The following MAPK10 variants were observed in gnomAD, a reference collection of about 807,000 sequenced individuals.
MAPK10 encodes the protein JNK3 alpha protein kinase.
A neutral mutation model predicts 59.3 loss-of-function variants in MAPK10; 25 were observed. That is an observed-to-expected ratio of 0.42 (90% CI 0.31 to 0.59). The LOEUF is 0.59. Ranked by LOEUF, MAPK10 falls within the 20% of genes least tolerant of loss-of-function variation. The probability of loss-of-function intolerance (pLI) is 0.15; values close to 1 mark genes in which losing one functional copy is unlikely to be tolerated. For synonymous variants in MAPK10, 190 were observed against 200.5 expected (o/e 0.95, Z 0.44); for missense variants, 351 against 568.9 (o/e 0.62, Z 3.90).
At chr4:86,089,473 T>C (rs2052636817) in intron 9 of MAPK10, 1 of 476,938 alleles carries the variant, frequency 2.1e-6, no homozygotes, top group Non-Finnish European at 3.7e-6. Context: ...TTTTCTGTCA[T>C]ATAACAGAAA....
chr4:86,022,930 A>G (rs1748069752), intron 13 of MAPK10, among the ~76,000 whole-genome samples: 2 of 152,216 alleles, frequency 1.3e-5, no homozygotes, highest in Admixed American at 6.5e-5. Flanking sequence ...TGAAGCACAC[A>G]TATTTTTAAT....
chr4:86,088,346 AT>A (rs966305507), intron 9 of MAPK10, among the ~76,000 whole-genome samples: 4 of 151,942 alleles, frequency 2.6e-5, no homozygotes, highest in African/African-American at 9.7e-5. Flanking sequence ...GCCCGGCTAA[AT>A]TTTTTATTTT....
chr4:86,500,094 C>T (rs913546599), intron 1 of MAPK10, among the ~76,000 whole-genome samples: 4 of 152,134 alleles, frequency 2.6e-5, no homozygotes, highest in Non-Finnish European at 5.9e-5. Flanking sequence ...AGCAATTGAA[C>T]AACTGATTTG....
In MAPK10 at chr4:86,050,457, C is replaced by A. The variant is rs143710672; in HGVS notation, c.1110+13809G>T. Among the ~76,000 whole-genome samples, 246 of 152,102 alleles carry A rather than the reference C, an allele frequency of 1.6e-3. 2 individuals are homozygous for A. The highest frequency in any genetic ancestry group is 5.5e-3 in the African/African-American group (230 of 41,490). On this transcript the variant is annotated intron_variant, in intron 11 of 13. Transcript: ENST00000641462. ...GAGTCCATGTCCTCTAATTGTTGAC[C>A]CACAGTGGTTTCCACTGTGCTCTAC...
intron 1 of MAPK10, among the ~76,000 whole-genome samples, chr4:86,528,102 A>G (rs1055797357): frequency 2.6e-5 from 4 of 152,216 alleles, no homozygotes; most frequent in African/African-American, 4.8e-5. Context: ...TTAGCACCAC[A>G]CAATATGCTC....
intron 3 of MAPK10, among the ~76,000 whole-genome samples, chr4:86,162,174 A>C (rs1049064569): frequency 4.0e-5 from 6 of 151,874 alleles, no homozygotes; most frequent in Non-Finnish European, 8.8e-5. Context: ...TAAAGTATGG[A>C]TAATACATTC....
At position 86,061,871 on chromosome 4, in the gene MAPK10, CG is replaced by C. The variant is rs147885202; in HGVS notation, c.1110+2394del. Among the ~76,000 whole-genome samples, 53 of 152,126 alleles carry C rather than the reference CG, an allele frequency of 3.5e-4. 2 individuals carry two copies. The East Asian group carries it at 0.01, about 29-fold the overall frequency. On this transcript the variant is annotated intron_variant, in intron 11 of 13. Coordinates refer to ENST00000641462, the MANE Select transcript of MAPK10 (RefSeq NM_138982.4). The stretch of plus-strand genomic sequence containing the variant: ...CATTTATTTGGATTATAAAGACATA[CG>C]GGGGTATATTTTGCAAAACAGTCTT...
chr4:86,103,075 CTGTGTGTGTG>C (rs10681488), intron 6 of MAPK10, 101 bp downstream of exon 6: 239 of 498,784 alleles, frequency 4.8e-4, no homozygotes, highest in East Asian at 4.7e-3. Flanking sequence ...GATTTCAACT[CTGTGTGTGTG>C]TGTGTGTGTG....
At chr4:86,124,205 T>C (rs2149122308) in intron 4 of MAPK10, 1 of 152,128 alleles carries the variant, frequency 6.6e-6, no homozygotes, top group East Asian at 1.9e-4. Context: ...AAATGGACTC[T>C]GAATTTGTTG....
intron 1 of MAPK10, among the ~76,000 whole-genome samples, chr4:86,384,873 T>A (rs2869424): frequency 6.6e-6 from 1 of 152,010 alleles, no homozygotes; most frequent in Non-Finnish European, 1.5e-5. Context: ...ACAACTTTCA[T>A]CTAAACTAGA....
At chr4:86,441,662 A>ACAG (rs1434903927) in intron 1 of MAPK10, among the ~76,000 whole-genome samples, 3 of 152,218 alleles carry the variant, frequency 2.0e-5, no homozygotes, top group Non-Finnish European at 4.4e-5. Flanking sequence ...AAGCAAGGTC[A>ACAG]CAGCAACCTG....
At chr4:86,154,767 C>T (rs11097094) in intron 4 of MAPK10, among the ~76,000 whole-genome samples, 13 of 152,020 alleles carry the variant, frequency 8.6e-5, no homozygotes, top group African/African-American at 1.7e-4. Flanking sequence ...AATATTTTTT[C>T]GGCATAAGTT....
intron 1 of MAPK10, among the ~76,000 whole-genome samples, chr4:86,472,191 A>G (rs143150050): frequency 1.3e-5 from 2 of 152,324 alleles, no homozygotes; most frequent in East Asian, 3.9e-4. Context: ...TGATAATAAA[A>G]TTTTATTTTA....
chr4:86,407,975 A>G (rs1744573834), intron 1 of MAPK10, among the ~76,000 whole-genome samples: 1 of 152,146 alleles, frequency 6.6e-6, no homozygotes, highest in Non-Finnish European at 1.5e-5. Flanking sequence ...ACATAGGTAT[A>G]TATGTGCCAT....
intron 2 of MAPK10, among the ~76,000 whole-genome samples, chr4:86,251,403 C>T (rs1234077489): frequency 6.6e-6 from 1 of 150,478 alleles, no homozygotes; most frequent in Non-Finnish European, 1.5e-5. Context: ...TCAATCCCCA[C>T]CTATGAGTGA....
At chr4:86,421,667 C>T (rs1393701949) in intron 1 of MAPK10, among the ~76,000 whole-genome samples, 1 of 152,098 alleles carries the variant, frequency 6.6e-6, no homozygotes, top group Non-Finnish European at 1.5e-5. Context: ...GAGTGCGGTG[C>T]AGTAAGGAAG....
At chr4:86,491,994 A>T (rs1002015660) in intron 1 of MAPK10, among the ~76,000 whole-genome samples, 2 of 152,220 alleles carry the variant, frequency 1.3e-5, no homozygotes, top group Admixed American at 6.5e-5. Context: ...AGTCCCAATG[A>T]ATAGGTTACT....
chr4:86,553,180 C>A (rs1263495808), intron 1 of MAPK10, among the ~76,000 whole-genome samples: 1 of 152,042 alleles, frequency 6.6e-6, no homozygotes, highest in Non-Finnish European at 1.5e-5. Flanking sequence ...GAAGTATTTA[C>A]CTAGTAGTAA....
intron 11 of MAPK10, among the ~76,000 whole-genome samples, chr4:86,056,650 G>A (rs1013959077): frequency 6.7e-6 from 1 of 149,950 alleles, no homozygotes; most frequent in African/African-American, 2.5e-5. Context: ...GTATTTGAGA[G>A]AATTAAAAGT....
Sources: allele counts gnomAD v4.1 joint callset (sites outside exome capture counted in the v4.1 genomes callset), GRCh38; gene constraint gnomAD v4.1.1; transcripts MANE v1.5; gene names NCBI Gene and HGNC (gene_info 2026-07-23, HGNC 2026-07-21).